The following TMEM144 variants were observed in gnomAD, a reference collection of about 807,000 sequenced individuals.
TMEM144 encodes the protein transmembrane protein 144.
Under a neutral mutation model 43.6 loss-of-function variants are expected in TMEM144, and 39 were observed. The observed-to-expected ratio is 0.90, with a 90% CI of 0.69 to 1.17. The LOEUF is 1.17. Among genes scored for constraint, TMEM144 ranks in the 50% most tolerant of loss-of-function variants. The pLI is 0.00. For missense variants in TMEM144, 417 were observed against 411.9 expected (o/e 1.01, Z -0.11); for synonymous variants, 154 against 133.6 (o/e 1.15, Z -1.06).
intron 7 of TMEM144, chr4:158,233,499 C>G (rs1382415735): frequency 6.6e-6 from 1 of 152,228 alleles, no homozygotes; most frequent in African/African-American, 2.4e-5. Context: ...AATAGTAAAT[C>G]TGAATGAAAC....
intron 4 of TMEM144, among the ~76,000 whole-genome samples, chr4:158,216,764 A>G (rs554784675): frequency 1.6e-4 from 25 of 152,292 alleles, no homozygotes; most frequent in African/African-American, 5.5e-4. Flanking sequence ...AGGAGACTCA[A>G]GAGATGAAGA....
At chr4:158,219,481 A>C in intron 6 of TMEM144, 91 bp downstream of exon 6, 1 of 1,235,566 alleles carries the variant, frequency 8.1e-7, no homozygotes, top group South Asian at 1.3e-5. Flanking sequence ...TTTTAAACCT[A>C]CATTTCGTAA....
At chr4:158,230,809 A>G (rs1354649483) in intron 6 of TMEM144, among the ~76,000 whole-genome samples, 1 of 152,108 alleles carries the variant, frequency 6.6e-6, no homozygotes, top group African/African-American at 2.4e-5. Context: ...TCCCTATCAT[A>G]AGGGTCATGG....
At chr4:158,218,635 T>C (rs1481196241) in intron 5 of TMEM144, among the ~76,000 whole-genome samples, 1 of 152,118 alleles carries the variant, frequency 6.6e-6, no homozygotes, top group African/African-American at 2.4e-5. Flanking sequence ...ATATTTAACC[T>C]AGAAATTTTT....
chr4:158,244,363 AG>A lies in TMEM144; in HGVS notation c.954+17del, dbSNP rs756460377. On this transcript the variant is annotated intron_variant, in intron 12 of 12. Transcript: ENST00000296529. ...AAGGAAATAAAGGTATGTACAAGAAAGGGCAGACTTAGAAAATGGGAATGGG... is the reference window on the plus strand; with the variant it reads ...AAGGAAATAAAGGTATGTACAAGAAAGGCAGACTTAGAAAATGGGAATGGG... The A allele has an allele frequency of 3.7e-6, 6 of 1,605,454 alleles. No homozygotes were observed. The Admixed American group carries it at 6.8e-5, about 18-fold the overall frequency.
chr4:158,219,513 G>A (rs1734408034), intron 6 of TMEM144, 123 bp downstream of exon 6: 1 of 968,236 alleles, frequency 1.0e-6, no homozygotes. Context: ...TTGTTCCTCA[G>A]ATTCTTCATT....
At chr4:158,240,604 A>G (rs1735586187) in intron 10 of TMEM144, among the ~76,000 whole-genome samples, 186 bp downstream of exon 10, 1 of 152,142 alleles carries the variant, frequency 6.6e-6, no homozygotes, top group African/African-American at 2.4e-5. Context: ...ACCACCAAAT[A>G]TGAAGTATTT....
At chr4:158,234,382 A>T (rs1315988520) in intron 7 of TMEM144, 1 of 151,846 alleles carries the variant, frequency 6.6e-6, no homozygotes, top group Non-Finnish European at 1.5e-5. Context: ...AATACAAAAA[A>T]AAAAAAAATG....
chr4:158,242,900 C>T (rs1281820396), intron 11 of TMEM144, among the ~76,000 whole-genome samples: 1 of 152,150 alleles, frequency 6.6e-6, no homozygotes, highest in Non-Finnish European at 1.5e-5. Flanking sequence ...TCCTATTTGG[C>T]TCTCCTTGGC....
intron 12 of TMEM144, among the ~76,000 whole-genome samples, chr4:158,245,264 ATG>A (rs1206298973): frequency 1.3e-5 from 1 of 77,854 alleles, no homozygotes; most frequent in African/African-American, 6.4e-5. Flanking sequence ...GTGTGTGTGT[ATG>A]TATGTTTTCT....
At chr4:158,240,761 G>A (rs774773750) in intron 10 of TMEM144, among the ~76,000 whole-genome samples, 1 of 151,992 alleles carries the variant, frequency 6.6e-6, no homozygotes, top group Non-Finnish European at 1.5e-5. Context: ...ACTATCTAAA[G>A]GTTCATATAT....
At chr4:158,245,728 C>T (rs1735859955) in intron 12 of TMEM144, among the ~76,000 whole-genome samples, 1 of 152,070 alleles carries the variant, frequency 6.6e-6, no homozygotes, top group Non-Finnish European at 1.5e-5. Context: ...AGTTTGAGAC[C>T]AGCCTAGGCA....
chr4:158,236,488 C>G (rs1043964346), intron 8 of TMEM144, among the ~76,000 whole-genome samples: 1 of 151,996 alleles, frequency 6.6e-6, no homozygotes. Context: ...TGGGACGCTC[C>G]ACGGCTATGA....
intron 7 of TMEM144, chr4:158,233,916 T>C (rs1360527748): frequency 6.6e-6 from 1 of 152,252 alleles, no homozygotes; most frequent in Non-Finnish European, 1.5e-5. Flanking sequence ...AGGGAGGAGT[T>C]GGCTTTGGGA....
At chr4:158,237,381 C>T in intron 8 of TMEM144, 144 bp from the exon 9 acceptor site, 1 of 644,868 alleles carries the variant, frequency 1.6e-6, no homozygotes, top group East Asian at 2.6e-5. Flanking sequence ...TCTGTGACTT[C>T]CGCCAGTCAC....
At chr4:158,213,969 T>C (rs889890762) in intron 3 of TMEM144, 1 of 152,228 alleles carries the variant, frequency 6.6e-6, no homozygotes, top group Non-Finnish European at 1.5e-5. Context: ...AGTTTCTCAT[T>C]TGTAAAGTGA....
chr4:158,226,791 T>C (rs1350076617), intron 6 of TMEM144, among the ~76,000 whole-genome samples: 1 of 152,180 alleles, frequency 6.6e-6, no homozygotes, highest in Non-Finnish European at 1.5e-5. Context: ...TTCTGACTTA[T>C]TACAAATATT....
intron 3 of TMEM144, among the ~76,000 whole-genome samples, chr4:158,214,423 G>A (rs1734118254): frequency 6.6e-6 from 1 of 152,200 alleles, no homozygotes; most frequent in African/African-American, 2.4e-5. Flanking sequence ...TCCAAAGTTA[G>A]TGCCAGAAGT....
chr4:158,224,791 C>T (rs925292223), intron 6 of TMEM144, among the ~76,000 whole-genome samples: 14 of 152,126 alleles, frequency 9.2e-5, no homozygotes, highest in Admixed American at 8.5e-4. Context: ...CAGGGCTTGT[C>T]GTCTTCTTCA....
Sources: gnomAD v4.1 joint callset for allele counts (sites outside exome capture counted in the v4.1 genomes callset) on GRCh38, gnomAD v4.1.1 for gene constraint, MANE v1.5 for transcripts, NCBI Gene and HGNC (gene_info 2026-07-23, HGNC 2026-07-21) for gene names.